The following ASIC2 variants were observed in gnomAD, a reference collection of about 807,000 sequenced individuals.
ASIC2 encodes acid-sensing ion channel 2.
ASIC2 carries 25 observed loss-of-function variants against 57.3 expected under a neutral mutation model. The ratio of observed to expected loss-of-function variants is 0.44; its 90% CI spans 0.32 to 0.61. ASIC2 has a LOEUF of 0.61. Among genes scored for constraint, ASIC2 ranks in the 20% least tolerant of loss-of-function variants. The pLI, the probability that ASIC2 is intolerant of heterozygous loss-of-function variation, is 0.06. For synonymous variants in ASIC2, 319 were observed against 307.5 expected (o/e 1.04, Z -0.39); for missense variants, 641 against 738.1 (o/e 0.87, Z 1.52).
intron 1 of ASIC2, among the ~76,000 whole-genome samples, chr17:33,163,537 G>A (rs8078023): frequency 0.11 from 16,877 of 152,064 alleles, 1,057 homozygotes; most frequent in Middle Eastern, 0.17. Context: ...TTAGGCACTC[G>A]TGTGTGCCAG....
intron 1 of ASIC2, among the ~76,000 whole-genome samples, chr17:33,124,124 T>C (rs1010327333): frequency 2.6e-5 from 4 of 152,238 alleles, no homozygotes; most frequent in African/African-American, 9.6e-5. Context: ...TACCACATTC[T>C]TACTGAGTTC....
At chr17:33,351,302 C>T (rs1412310693) in intron 1 of ASIC2, among the ~76,000 whole-genome samples, 1 of 151,920 alleles carries the variant, frequency 6.6e-6, no homozygotes, top group Non-Finnish European at 1.5e-5. Flanking sequence ...TTGGTGTTGG[C>T]ACAGTTCCAG....
At chr17:33,848,388 A>C (rs141223131) in intron 1 of ASIC2, among the ~76,000 whole-genome samples, 36 of 152,198 alleles carry the variant, frequency 2.4e-4, no homozygotes, top group African/African-American at 7.7e-4. Context: ...CTCTCTTGAA[A>C]GTGAGCTACT....
intron 1 of ASIC2, among the ~76,000 whole-genome samples, chr17:33,609,248 T>C (rs1013013901): frequency 1.3e-5 from 2 of 152,212 alleles, no homozygotes; most frequent in African/African-American, 4.8e-5. Context: ...AACTGTGTCA[T>C]GTCAATCCTC....
chr17:33,926,124 T>C (rs1225554302), intron 1 of ASIC2, among the ~76,000 whole-genome samples: 1 of 152,196 alleles, frequency 6.6e-6, no homozygotes, highest in East Asian at 1.9e-4. Flanking sequence ...GTTGAGTACC[T>C]GAAAGTTTGT....
chr17:33,617,325 G>A (rs1411958033), intron 1 of ASIC2, among the ~76,000 whole-genome samples: 1 of 152,100 alleles, frequency 6.6e-6, no homozygotes, highest in African/African-American at 2.4e-5. Flanking sequence ...GCCATAAAAA[G>A]GAACAAGAAT....
intron 1 of ASIC2, among the ~76,000 whole-genome samples, chr17:33,891,963 C>T (rs1914972897): frequency 6.6e-6 from 1 of 152,164 alleles, no homozygotes; most frequent in African/African-American, 2.4e-5. Context: ...TCTTTGTCTA[C>T]CATTTTCCCT....
intron 1 of ASIC2, among the ~76,000 whole-genome samples, chr17:33,179,253 C>T (rs1035632701): frequency 7.2e-5 from 11 of 152,248 alleles, no homozygotes; most frequent in Admixed American, 2.6e-4. Context: ...CTTAATACCC[C>T]CTGTGAGATT....
intron 1 of ASIC2, among the ~76,000 whole-genome samples, chr17:33,138,638 G>A (rs539266900): frequency 6.6e-6 from 1 of 152,240 alleles, no homozygotes; most frequent in African/African-American, 2.4e-5. Context: ...CATCAGCGGT[G>A]GCACCGAAGC....
chr17:33,909,508 G>A (rs1393970870), intron 1 of ASIC2, among the ~76,000 whole-genome samples: 1 of 152,182 alleles, frequency 6.6e-6, no homozygotes, highest in Admixed American at 6.5e-5. Context: ...GTGGAACCAC[G>A]GAGCATGGGC....
chr17:34,080,023 C>G (rs1401563592), intron 1 of ASIC2, among the ~76,000 whole-genome samples: 1 of 152,150 alleles, frequency 6.6e-6, no homozygotes, highest in Non-Finnish European at 1.5e-5. Flanking sequence ...ATCATGAACT[C>G]CTGAGCTGAT....
intron 1 of ASIC2, among the ~76,000 whole-genome samples, chr17:33,995,745 A>G (rs903321633): frequency 1.3e-5 from 2 of 152,128 alleles, no homozygotes; most frequent in African/African-American, 4.8e-5. Flanking sequence ...TTCTTTATTC[A>G]TTCACCCATT....
At chr17:33,243,762 AT>A (rs2142122635) in intron 1 of ASIC2, among the ~76,000 whole-genome samples, 1 of 152,340 alleles carries the variant, frequency 6.6e-6, no homozygotes, top group South Asian at 2.1e-4. Flanking sequence ...ACTTTTTAGT[AT>A]GAAAAATTTC....
intron 1 of ASIC2, among the ~76,000 whole-genome samples, chr17:33,245,026 C>T (rs952478350): frequency 6.6e-6 from 1 of 152,174 alleles, no homozygotes; most frequent in Non-Finnish European, 1.5e-5. Context: ...TTAGCATTAA[C>T]ATAGTCTATT....
intron 3 of ASIC2, among the ~76,000 whole-genome samples, chr17:33,060,116 G>A (rs983670774): frequency 3.3e-5 from 5 of 152,098 alleles, no homozygotes; most frequent in Non-Finnish European, 7.4e-5. Context: ...TAGGTTGCCT[G>A]TTCACTCTGA....
rs543048265 is a variant in ASIC2, at chr17:33,566,614, C to G, written c.556-454547G>C. Among the ~76,000 whole-genome samples, 126 of 152,320 alleles carry G rather than the reference C, an allele frequency of 8.3e-4. 2 individuals carry two copies. The highest frequency in any genetic ancestry group is 2.9e-3 in the African/African-American group (121 of 41,576). ...ATGTGCTATAGTATATTCCCCCTTA[C>G]AGCAGAACAGTCATAGAAGGTTTGC... On this transcript the variant is annotated intron_variant, in intron 1 of 9. Coordinates refer to the ASIC2 transcript ENST00000359872.
intron 1 of ASIC2, among the ~76,000 whole-genome samples, chr17:33,736,646 A>T (rs1433414297): frequency 2.0e-5 from 3 of 152,216 alleles, no homozygotes; most frequent in Non-Finnish European, 4.4e-5. Context: ...ATAAAAAGTC[A>T]AATAATGGAG....
chr17:33,301,568 T>A (rs1400592560), intron 1 of ASIC2, among the ~76,000 whole-genome samples: 1 of 152,230 alleles, frequency 6.6e-6, no homozygotes, highest in Non-Finnish European at 1.5e-5. Context: ...TAATGGATGT[T>A]GGGCACTGTC....
intron 1 of ASIC2, among the ~76,000 whole-genome samples, chr17:34,051,390 T>C (rs560865890): frequency 1.3e-5 from 2 of 152,266 alleles, no homozygotes; most frequent in African/African-American, 2.4e-5. Flanking sequence ...CTGTGCACCT[T>C]TGGGTTAGCC....
Sources: allele counts gnomAD v4.1 joint callset (sites outside exome capture counted in the v4.1 genomes callset), GRCh38; gene constraint gnomAD v4.1.1; transcripts MANE v1.5; gene names NCBI Gene and HGNC (gene_info 2026-07-23, HGNC 2026-07-21).